The following GALNTL6 variants were observed in gnomAD, a reference collection of about 807,000 sequenced individuals.
The protein encoded by GALNTL6 is polypeptide N-acetylgalactosaminyltransferase-like 6.
GALNTL6 carries 46 observed loss-of-function variants against 73.7 expected under a neutral mutation model. That is an observed-to-expected ratio of 0.62 (90% CI 0.49 to 0.80). The LOEUF is 0.80. Among genes scored for constraint, GALNTL6 ranks in the 30% least tolerant of loss-of-function variants. The pLI is 0.00. For missense variants in GALNTL6, 604 were observed against 755.0 expected (o/e 0.80, Z 2.34); for synonymous variants, 259 against 263.7 (o/e 0.98, Z 0.17).
chr4:172,156,545 A>C (rs1227624608), intron 2 of GALNTL6, among the ~76,000 whole-genome samples: 1 of 67,342 alleles, frequency 1.5e-5, no homozygotes, highest in East Asian at 2.6e-4. Context: ...TATATAATAT[A>C]TATATATATA....
At chr4:171,947,629 G>A (rs529059987) in intron 2 of GALNTL6, among the ~76,000 whole-genome samples, 1 of 152,240 alleles carries the variant, frequency 6.6e-6, no homozygotes, top group African/African-American at 2.4e-5. Context: ...CCTCAGTCCT[G>A]TCTACAAAGG....
At chr4:172,643,138 A>G (rs766302847) in intron 5 of GALNTL6, among the ~76,000 whole-genome samples, 1 of 151,940 alleles carries the variant, frequency 6.6e-6, no homozygotes, top group Non-Finnish European at 1.5e-5. Flanking sequence ...TGCATTATAC[A>G]TTCATTGGGA....
chr4:171,934,600 G>A (rs950719479), intron 2 of GALNTL6, among the ~76,000 whole-genome samples: 1 of 151,956 alleles, frequency 6.6e-6, no homozygotes, highest in African/African-American at 2.4e-5. Context: ...ATTTTTTGTA[G>A]AGACAGGGTT....
chr4:171,815,654 AT>A lies in GALNTL6; in HGVS notation c.138+938del, dbSNP rs1734507122. ...TTAGTCCTGTGCATCACCTTGGAAT[AT>A]TAATATTCTTAATTTCAAGGGTCAT... On this transcript the variant is annotated intron_variant, in intron 2 of 12. Coordinates refer to ENST00000506823, the MANE Select transcript of GALNTL6 (RefSeq NM_001034845.3). 4 of 152,348 alleles carry A rather than the reference AT, an allele frequency of 2.6e-5. No individual in the cohort carries two copies. The South Asian group carries it at 8.3e-4, about 32-fold the overall frequency. 9.4% of individuals were successfully genotyped at this position (152,348 alleles called of 1,614,324 possible). A position where few individuals can be genotyped will look rare whatever the true frequency, so the allele number is the denominator to read the frequency against.
chr4:172,665,278 T>C (rs837196), intron 5 of GALNTL6, among the ~76,000 whole-genome samples: 131,685 of 152,216 alleles, frequency 0.87, 57,233 homozygotes, highest in Middle Eastern at 0.94. Flanking sequence ...TCAATCTCTC[T>C]AGAACCACAC....
At chr4:172,380,343 C>T in intron 5 of GALNTL6, 1 of 712,368 alleles carries the variant, frequency 1.4e-6, no homozygotes, top group Non-Finnish European at 2.7e-6. Flanking sequence ...AAAGTCCCTC[C>T]CTCACAGTGG....
chr4:172,726,460 G>A (rs1735813992), intron 5 of GALNTL6, among the ~76,000 whole-genome samples: 1 of 152,182 alleles, frequency 6.6e-6, no homozygotes, highest in African/African-American at 2.4e-5. Context: ...TGCAAGGAGA[G>A]CTTGGCTGCC....
intron 7 of GALNTL6, among the ~76,000 whole-genome samples, chr4:172,857,779 C>A (rs1188241466): frequency 1.3e-5 from 2 of 152,142 alleles, no homozygotes; most frequent in Non-Finnish European, 2.9e-5. Context: ...AAATTCTACT[C>A]ATGAGCCTGT....
intron 5 of GALNTL6, among the ~76,000 whole-genome samples, chr4:172,365,562 TTCTC>T (rs1013060111): frequency 5.3e-5 from 8 of 152,096 alleles, no homozygotes; most frequent in African/African-American, 1.7e-4. Context: ...AAAATAAACT[TTCTC>T]TCCATTTCTG....
chr4:172,826,384 T>C lies in GALNTL6; in HGVS notation c.923+12661T>C, dbSNP rs184593608. Among the ~76,000 whole-genome samples the C allele has an allele frequency of 1.8e-3, 268 of 152,258 alleles. 1 individual carries two copies. The highest frequency in any genetic ancestry group is 6.1e-3 in the African/African-American group (253 of 41,552). On this transcript the variant is annotated intron_variant, in intron 7 of 12. Coordinates refer to ENST00000506823, the MANE Select transcript of GALNTL6 (RefSeq NM_001034845.3). ...CTTCCCTTCCTAATTGTTCTGTGCC[T>C]CCACAGCCCATGGGCACACACGATG...
At chr4:172,629,499 C>A (rs1240452995) in intron 5 of GALNTL6, among the ~76,000 whole-genome samples, 1 of 152,028 alleles carries the variant, frequency 6.6e-6, no homozygotes, top group Non-Finnish European at 1.5e-5. Context: ...TGAGACTTTA[C>A]CCTCTATGTG....
intron 2 of GALNTL6, among the ~76,000 whole-genome samples, chr4:172,095,310 G>A (rs1732319617): frequency 6.6e-6 from 1 of 152,140 alleles, no homozygotes; most frequent in Non-Finnish European, 1.5e-5. Context: ...CTGAGAAGGA[G>A]CCTCATAGGG....
At chr4:171,887,520 C>T (rs1053626178) in intron 2 of GALNTL6, among the ~76,000 whole-genome samples, 2 of 152,112 alleles carry the variant, frequency 1.3e-5, no homozygotes, top group African/African-American at 4.8e-5. Context: ...CTTGAAGAGG[C>T]TCCTGTGGGA....
intron 2 of GALNTL6, among the ~76,000 whole-genome samples, chr4:172,079,917 T>C (rs977956876): frequency 9.2e-5 from 14 of 152,272 alleles, no homozygotes; most frequent in African/African-American, 3.1e-4. Context: ...ACAATGTTTA[T>C]GTGGTTAAAT....
At chr4:172,182,245 C>G (rs367824301) in intron 2 of GALNTL6, among the ~76,000 whole-genome samples, 1 of 152,098 alleles carries the variant, frequency 6.6e-6, no homozygotes, top group Non-Finnish European at 1.5e-5. Flanking sequence ...AACCACTGCT[C>G]AAGGAAATCA....
chr4:172,442,442 T>G (rs1731867149), intron 5 of GALNTL6, among the ~76,000 whole-genome samples: 1 of 152,196 alleles, frequency 6.6e-6, no homozygotes, highest in African/African-American at 2.4e-5. Flanking sequence ...TCATTTGTAC[T>G]TAAATTTTAT....
At chr4:171,827,660 C>T (rs944311484) in intron 2 of GALNTL6, among the ~76,000 whole-genome samples, 5 of 152,138 alleles carry the variant, frequency 3.3e-5, no homozygotes, top group Non-Finnish European at 7.3e-5. Flanking sequence ...TCCTTTCATT[C>T]CCTATACCTT....
intron 2 of GALNTL6, among the ~76,000 whole-genome samples, chr4:172,199,744 TTTGTTG>T (rs930504853): frequency 1.3e-5 from 2 of 152,134 alleles, no homozygotes; most frequent in African/African-American, 4.8e-5. Context: ...TGAAAGATTT[TTTGTTG>T]TTGTTGTTGT....
chr4:172,407,768 T>C (rs1744290361), intron 5 of GALNTL6, among the ~76,000 whole-genome samples: 1 of 152,032 alleles, frequency 6.6e-6, no homozygotes, highest in South Asian at 2.1e-4. Context: ...TACCGGTTTT[T>C]TGTCCTATGC....
Sources: allele counts gnomAD v4.1 joint callset (sites outside exome capture counted in the v4.1 genomes callset), GRCh38; gene constraint gnomAD v4.1.1; transcripts MANE v1.5; gene names NCBI Gene and HGNC (gene_info 2026-07-23, HGNC 2026-07-21).